The following SRRM2 variants were observed in gnomAD, a reference collection of about 807,000 sequenced individuals.
The protein encoded by SRRM2 is serine/arginine repetitive matrix 2, also known as serine/arginine repetitive matrix protein 2.
A neutral mutation model predicts 213.8 loss-of-function variants in SRRM2; 30 were observed. The observed-to-expected ratio is 0.14, with a 90% CI of 0.10 to 0.19. The LOEUF (loss-of-function observed/expected upper bound fraction) is 0.19, where lower values mean the gene tolerates loss of function less well. Among genes scored for constraint, SRRM2 ranks in the 10% least tolerant of loss-of-function variants. The probability of loss-of-function intolerance (pLI) is 1.00; values close to 1 mark genes in which losing one functional copy is unlikely to be tolerated. For missense variants in SRRM2, 4,904 were observed against 3,647.0 expected (o/e 1.34, Z -8.88); for synonymous variants, 2,025 against 1,377.7 (o/e 1.47, Z -10.40).
In SRRM2 at chr16:2,765,498, C is replaced by A; in HGVS notation, c.4970C>A (p.Ser1657Tyr). 3 of 1,614,180 alleles carry A rather than the reference C, an allele frequency of 1.9e-6. No individual in the cohort carries two copies. The highest frequency in any genetic ancestry group is 2.5e-6 in the Non-Finnish European group (3 of 1,180,036). ...CCTGAAGGAAGCAGCAGTACCGAGT[C>A]CTCTCCTGAACATCCGCCCAAATCC... is the stretch of plus-strand genomic sequence containing the variant. ...PSPEGSSSTE[S>Y]SPEHPPKSRT... The change falls in exon 11 of 15, where the codon TCC (serine) becomes TAC (tyrosine). Residue 1657 changes from serine (S) to tyrosine (Y), a missense_variant. Transcript: ENST00000301740.
chr16:2,758,521 G>GAAGAAA lies in SRRM2; in HGVS notation c.573_578dup (p.Lys193_Lys194dup). The GAAGAAA allele has an allele frequency of 1.9e-6, 3 of 1,614,146 alleles. No homozygotes were observed. Among genetic ancestry groups the GAAGAAA allele is most frequent in the Non-Finnish European group, 1.7e-6 (2 of 1,180,030 alleles). The stretch of plus-strand genomic sequence containing the variant: ...GCTCACCAACCCCAAAGCAGAAGAA[G>GAAGAAA]AAGAAAAAGAAGAAAGATAGAGGAC... On this transcript the variant is annotated inframe_insertion, in exon 5 of 15. Transcript: ENST00000301740.
At chr16:2,756,222 G>A in intron 1 of SRRM2, 112 bp from the exon 2 acceptor site, 1 of 1,037,946 alleles carries the variant, frequency 9.6e-7, no homozygotes, top group Non-Finnish European at 1.4e-6. Flanking sequence ...AAGACTTAGT[G>A]TGAAGATCAA....
Position 2,766,571 on chromosome 16 carries a change from C to T in SRRM2, c.6043C>T (p.Arg2015Cys), listed in dbSNP as rs372643509. The T allele has an allele frequency of 6.2e-6, 10 of 1,614,176 alleles. No individual in the cohort carries two copies. In the East Asian group the frequency reaches 6.7e-5, roughly 11 times the overall value. Reference protein sequence around the residue: ...RSRSRTSPVTRRRSRSRTPPA... With the variant: ...RSRSRTSPVTCRRSRSRTPPA... The stretch of plus-strand genomic sequence containing the variant: ...CCGCTCTCGAACCTCACCAGTGACA[C>T]GCCGCCGCTCTAGGTCCCGGACACC... Residue 2015 changes from arginine (R) to cysteine (C), a missense_variant, in exon 11 of 15, where the codon CGC becomes TGC. Transcript: ENST00000301740. This position sits in a 1 kb window ranked among gnomAD's most constrained non-coding sequence, Gnocchi z 7.0.
intron 9 of SRRM2, 148 bp downstream of exon 9, chr16:2,759,809 A>G: frequency 3.1e-6 from 2 of 646,030 alleles, no homozygotes; most frequent in Admixed American, 2.9e-5. Flanking sequence ...GGCTAAAGCA[A>G]CAGGATGGAC....
rs773204791 is a variant in SRRM2 at position 2,764,742 on chromosome 16, C to T, written c.4214C>T (p.Pro1405Leu). The change falls in exon 11 of 15, where the codon CCT (proline) becomes CTT (leucine). Residue 1405 changes from proline to leucine, a missense_variant. Pro to Leu is a moderately conservative substitution (Grantham distance 98). Transcript: ENST00000301740. ...TCTTCAAATCAGAGCATCTCTTCAC[C>T]TGTGCTTGATGCTGTACCCAGAACA... ...GMSSNQSISS[P>L]VLDAVPRTPS... The T allele has an allele frequency of 8.7e-6, 14 of 1,614,176 alleles. No individual in the cohort carries two copies. The highest frequency in any genetic ancestry group is 3.4e-6 in the Non-Finnish European group (4 of 1,180,034).
At chr16:2,769,989 C>T in intron 12 of SRRM2, 3 of 500,094 alleles carry the variant, frequency 6.0e-6, no homozygotes, top group South Asian at 1.9e-5. Context: ...ACAGCACCTT[C>T]GAGAAGACTG....
At position 2,768,241 on chromosome 16, in the gene SRRM2, A is replaced by G; in HGVS notation, c.7713A>G (p.Gln2571=). The G allele has an allele frequency of 6.4e-7, 1 of 1,560,804 alleles. No individual in the cohort carries two copies. The highest frequency in any genetic ancestry group is 2.0e-5 in the Admixed American group (1 of 51,246). Residue 2571 remains glutamine (Q), a synonymous_variant, in exon 11 of 15, where the codon CAA becomes CAG. Coordinates refer to ENST00000301740, the MANE Select transcript of SRRM2 (RefSeq NM_016333.4). ...SDSEGSSLPV[Q]PEVALKRVPS... ...CAGAGGGCTCTAGCCTTCCTGTGCA[A>G]CCTGAGGTGGCACTGAAGAGGTGAG...
Position 2,771,384 on chromosome 16 carries a change from C to T in SRRM2, c.*517C>T, listed in dbSNP as rs754184213. On this transcript the variant is annotated 3_prime_UTR_variant, in exon 15 of 15. Coordinates refer to ENST00000301740, the MANE Select transcript of SRRM2 (RefSeq NM_016333.4). Reference sequence around the variant, plus strand: ...ATCTGTACAGCAAGAGCAACTTTTTCTGTCAAATAAAAATGAGAAATGCAG... The same window carrying T: ...ATCTGTACAGCAAGAGCAACTTTTTTTGTCAAATAAAAATGAGAAATGCAG... The T allele has an allele frequency of 6.2e-7, 1 of 1,607,222 alleles. No homozygotes were observed. The highest frequency in any genetic ancestry group is 8.5e-7 in the Non-Finnish European group (1 of 1,174,362).
chr16:2,754,656 T>C (rs1370502006), intron 1 of SRRM2, among the ~76,000 whole-genome samples: 1 of 152,162 alleles, frequency 6.6e-6, no homozygotes, highest in Non-Finnish European at 1.5e-5. Flanking sequence ...GGGTGAATGG[T>C]TAAGCTGAAG....
rs530138996 is a variant in SRRM2, at chr16:2,756,344, G to GCC, written c.-14_-13dup. 2.6e-5 allele frequency: 41 copies of GCC among 1,578,448 alleles called. No individual in the cohort carries two copies. The South Asian group carries it at 3.5e-4, about 14-fold the overall frequency. Reference sequence around the variant, plus strand: ...CCCGCTCCCCCTCAGGAGCGGTGGTGCCCCCCCCGGGCACGGGGCCATGTA... The same window carrying GCC: ...CCCGCTCCCCCTCAGGAGCGGTGGTGCCCCCCCCCCGGGCACGGGGCCATGTA... On this transcript the variant is annotated 5_prime_UTR_variant, in exon 2 of 15. Coordinates refer to ENST00000301740, the MANE Select transcript of SRRM2 (RefSeq NM_016333.4).
intron 12 of SRRM2, 193 bp from the exon 13 acceptor site, chr16:2,770,159 C>T (rs753832549): frequency 1.3e-4 from 181 of 1,438,802 alleles, no homozygotes; most frequent in Non-Finnish European, 1.6e-4. Flanking sequence ...TCCCCCGCTG[C>T]ACCCTGTGCC....
At position 2,762,323 on chromosome 16, in the gene SRRM2, C is replaced by G. The variant is rs770693737; in HGVS notation, c.1795C>G (p.Pro599Ala). 1 of 1,614,106 alleles carries G rather than the reference C, an allele frequency of 6.2e-7. No homozygotes were observed. ...PARRRSRSRTPTRRRSRSRTP... is the reference protein window; with the variant it reads ...PARRRSRSRTATRRRSRSRTP... ...CAGGCGGAGATCACGATCCAGAACT[C>G]CCACCAGGCGTAGGTCTCGGTCTAG... The change falls in exon 11 of 15, where the codon CCC (proline) becomes GCC (alanine). Residue 599 changes from proline to alanine, a missense_variant. By Grantham distance (27) the Pro-to-Ala change is conservative. Coordinates refer to ENST00000301740, the MANE Select transcript of SRRM2 (RefSeq NM_016333.4).
rs2068314321 is a variant in SRRM2, at chr16:2,760,734, T to G, written c.1032+235T>G. The G allele has an allele frequency of 7.7e-6, 4 of 517,856 alleles. No individual in the cohort carries two copies. In the Admixed American group the frequency reaches 1.3e-4, roughly 17 times the overall value. The allele number at this position is 517,856 out of a possible 1,614,324, so 32.1% of individuals were successfully genotyped here. On this transcript the variant is annotated intron_variant, in intron 10 of 14. Coordinates refer to ENST00000301740, the MANE Select transcript of SRRM2 (RefSeq NM_016333.4). Reference sequence around the variant, plus strand: ...TGGATGTTAGGTTTTATATTGTGTCTTGTTTATACATAGATAGAACTGGAA... The same window carrying G: ...TGGATGTTAGGTTTTATATTGTGTCGTGTTTATACATAGATAGAACTGGAA...
At position 2,761,584 on chromosome 16, in the gene SRRM2, C is replaced by T. The variant is rs2068350508; in HGVS notation, c.1056C>T (p.Pro352=). Residue 352 remains proline (P), a synonymous_variant, in exon 11 of 15, where the codon CCC becomes CCT. Coordinates refer to ENST00000301740, the MANE Select transcript of SRRM2 (RefSeq NM_016333.4). ...KKEKSATRPS[P]SPERSSTGPE... ...AGAAATCTGCAACTCGACCTAGCCC[C>T]TCTCCGGAAAGGAGCAGCACAGGCC... 1.3e-6 allele frequency: 2 copies of T among 1,515,536 alleles called. No individual in the cohort carries two copies. Among genetic ancestry groups the T allele is most frequent in the South Asian group, 2.7e-5 (2 of 74,188 alleles). 93.9% of individuals were successfully genotyped at this position (1,515,536 alleles called of 1,614,324 possible). A position where few individuals can be genotyped will look rare whatever the true frequency, so the allele number is the denominator to read the frequency against.
chr16:2,762,203 C>T lies in SRRM2; in HGVS notation c.1675C>T (p.Arg559Ter), dbSNP rs1423914263. Residue 559 changes from arginine (R) to a stop codon, truncating the protein, a stop_gained, in exon 11 of 15, where the codon CGA becomes TGA. Transcript: ENST00000301740. LOFTEE classifies it high-confidence loss of function. ...AAGAGGCAGGTCTAGGTCAGCAAGG[C>T]GAGGGAGGTCCCACTCTAGATCCCC... is the stretch of plus-strand genomic sequence containing the variant. ...QRRGRSRSAR[R>*]GRSHSRSPAT... 1 of 1,613,944 alleles carries T rather than the reference C, an allele frequency of 6.2e-7. No individual in the cohort carries two copies. The highest frequency in any genetic ancestry group is 8.5e-7 in the Non-Finnish European group (1 of 1,179,962).
At chr16:2,757,352 G>C (rs1001114026) in intron 2 of SRRM2, 120 bp from the exon 3 acceptor site, 1 of 753,636 alleles carries the variant, frequency 1.3e-6, no homozygotes, top group Non-Finnish European at 2.2e-6. Flanking sequence ...TTTTGGGTGA[G>C]CGAAAAGTTC....
chr16:2,767,194 C>A lies in SRRM2; in HGVS notation c.6666C>A (p.Thr2222=). ...PAPVPLMSLR[T]APAANLASRI... is the part of the protein sequence containing the mutation. ...CGGTGCCTCTCATGAGTCTCAGAAC[C>A]GCACCAGCAGCCAACCTTGCCAGCA... is the stretch of plus-strand genomic sequence containing the variant. The change falls in exon 11 of 15, where the codon ACC becomes ACA. Residue 2222 remains threonine (T), a synonymous_variant. Coordinates refer to ENST00000301740, the MANE Select transcript of SRRM2 (RefSeq NM_016333.4). 2 of 1,614,186 alleles carry A rather than the reference C, an allele frequency of 1.2e-6. No homozygotes were observed. Among genetic ancestry groups the A allele is most frequent in the Admixed American group, 3.3e-5 (2 of 60,034 alleles).
At chr16:2,758,167 A>AGTTT (rs1180583285) in intron 4 of SRRM2, among the ~76,000 whole-genome samples, 1 of 152,124 alleles carries the variant, frequency 6.6e-6, no homozygotes, top group Non-Finnish European at 1.5e-5. Context: ...TGAGGCCAGG[A>AGTTT]GTTTGAGACC....
intron 6 of SRRM2, 28 bp downstream of exon 6, chr16:2,759,075 G>C (rs746903588): frequency 5.6e-6 from 9 of 1,614,170 alleles, no homozygotes; most frequent in Non-Finnish European, 7.6e-6. Flanking sequence ...TTGAATGACT[G>C]GAGAAGGTTT....
Sources: allele counts gnomAD v4.1 joint callset (sites outside exome capture counted in the v4.1 genomes callset), GRCh38; gene constraint gnomAD v4.1.1; non-coding constraint Gnocchi (gnomAD v3.1); transcripts MANE v1.5; gene names NCBI Gene and HGNC (gene_info 2026-07-23, HGNC 2026-07-21).